Variants in SOCS2 observed in about 807,000 individuals in gnomAD.
SOCS2 encodes suppressor of cytokine signaling 2, also known as CIS-2.
In SOCS2, 10 loss-of-function variants were observed where a neutral mutation model predicts 18.6. The ratio of observed to expected loss-of-function variants is 0.54; its 90% CI spans 0.33 to 0.91. The LOEUF (loss-of-function observed/expected upper bound fraction) is 0.91, where lower values mean the gene tolerates loss of function less well. Ranked by LOEUF, SOCS2 falls within the 40% of genes least tolerant of loss-of-function variation. The probability of loss-of-function intolerance (pLI) is 0.02; values close to 1 mark genes in which losing one functional copy is unlikely to be tolerated. For synonymous variants in SOCS2, 104 were observed against 104.0 expected, an observed-to-expected ratio of 1.00 and a Z score of 0.00; for missense variants, 231 against 247.2, an observed-to-expected ratio of 0.93 and a Z score of 0.44.
chr12:93,618,097 T>C, the SOCS2 span, among the ~76,000 whole-genome samples: 1 of 152,096 alleles, frequency 6.6e-6, no homozygotes, highest in Non-Finnish European at 1.5e-5. Context: ...TTGTTCAAAG[T>C]GTGTGGCACC....
At position 93,572,916 on chromosome 12, in the gene SOCS2, G is replaced by T; in HGVS notation, c.19G>T (p.Glu7Ter). ...TTCTCTCATGACCCTGCGGTGCCTTGAGCCCTCCGGGAATGGCGGGGAAGG... is the reference window on the plus strand; with the variant it reads ...TTCTCTCATGACCCTGCGGTGCCTTTAGCCCTCCGGGAATGGCGGGGAAGG... MTLRCLEPSGNGGEGTR... is the reference protein window; with the variant it reads MTLRCL The change falls in exon 1 of 2, where the codon GAG (glutamate) becomes TAG (stop). Residue 7 changes from glutamate to a stop codon, truncating the protein, a stop_gained. Transcript: ENST00000551556. LOFTEE classifies it high-confidence loss of function. The surrounding 1 kb of genome is among the most constrained non-coding windows in gnomAD (Gnocchi z 5.0). 6.3e-7 allele frequency: 1 copy of T among 1,580,904 alleles called. No homozygotes were observed. Among genetic ancestry groups the T allele is most frequent in the South Asian group, 1.2e-5 (1 of 86,408 alleles).
the SOCS2 span, among the ~76,000 whole-genome samples, chr12:93,614,434 C>CCTTCCTTT: frequency 9.0e-5 from 3 of 33,330 alleles, no homozygotes; most frequent in African/African-American, 4.4e-4. Flanking sequence ...TCTTTCCCTT[C>CCTTCCTTT]CTTCCTTCCT....
At chr12:93,600,526 GATTTTA>G in the SOCS2 span, among the ~76,000 whole-genome samples, 1 of 151,864 alleles carries the variant, frequency 6.6e-6, no homozygotes, top group Non-Finnish European at 1.5e-5. Context: ...AAAATGTATA[GATTTTA>G]ATTGTAATTA....
chr12:93,601,042 C>T, the SOCS2 span, among the ~76,000 whole-genome samples: 5 of 151,168 alleles, frequency 3.3e-5, no homozygotes, highest in East Asian at 5.8e-4. Flanking sequence ...TCTCCTGCCT[C>T]GACCCCTGAA....
At chr12:93,587,092 CG>C (rs1225139103), downstream of SOCS2, among the ~76,000 whole-genome samples, 3 of 151,982 alleles carry the variant, frequency 2.0e-5, no homozygotes, top group Non-Finnish European at 4.4e-5. Flanking sequence ...CACTTGAACC[CG>C]GGAGGCAGAG....
Position 93,575,022 on chromosome 12 carries a change from C to T in SOCS2, c.440C>T (p.Thr147Ile), listed in dbSNP as rs996947743. 3.1e-6 allele frequency: 5 copies of T among 1,613,856 alleles called. No homozygotes were observed. Among genetic ancestry groups the T allele is most frequent in the Non-Finnish European group, 4.2e-6 (5 of 1,179,922 alleles). ...GGTCCAGAAGCCCCCCGGAACGGCA[C>T]TGTTCACCTTTATCTGACCAAACCG... Reference protein sequence around the residue: ...RTGPEAPRNGTVHLYLTKPLY... With the variant: ...RTGPEAPRNGIVHLYLTKPLY... Residue 147 changes from threonine to isoleucine, a missense_variant, in exon 2 of 2, where the codon ACT becomes ATT. By Grantham distance (89) the Thr-to-Ile change is moderately conservative. This residue lies in a region of SOCS2 where 122 missense variants were observed against 127.2 expected (regional missense o/e 0.96). Transcript: ENST00000551556.
the SOCS2 span, among the ~76,000 whole-genome samples, chr12:93,608,718 T>G: frequency 2.0e-5 from 3 of 152,166 alleles, no homozygotes; most frequent in Non-Finnish European, 2.9e-5. Context: ...TTGCTATGCC[T>G]TCTACCTTCT....
rs557928135 is a variant in SOCS2, at chr12:93,572,792, G to T, written c.-106G>T. The T allele has an allele frequency of 1.1e-5, 16 of 1,431,408 alleles. No individual in the cohort carries two copies. The highest frequency in any genetic ancestry group is 1.7e-4 in the Middle Eastern group (1 of 5,752). The allele number at this position is 1,431,408 out of a possible 1,614,324, so 88.7% of individuals were successfully genotyped here. The stretch of plus-strand genomic sequence containing the variant: ...TCTCTGCCACCATTTCGGACACCCC[G>T]CAGGGACTCGTTTTGGGATTCGCAC... On this transcript the variant is annotated 5_prime_UTR_variant, in exon 1 of 2. Coordinates refer to ENST00000551556, the MANE Select transcript of SOCS2 (RefSeq NM_001270471.2). The surrounding 1 kb of genome is among the most constrained non-coding windows in gnomAD (Gnocchi z 5.0).
chr12:93,623,281 G>C, the SOCS2 span, among the ~76,000 whole-genome samples: 1 of 152,092 alleles, frequency 6.6e-6, no homozygotes, highest in Non-Finnish European at 1.5e-5. Context: ...GACGTGCCTT[G>C]CTTCCCCTTC....
chr12:93,617,625 C>T, the SOCS2 span, among the ~76,000 whole-genome samples: 954 of 152,028 alleles, frequency 6.3e-3, 21 homozygotes, highest in African/African-American at 0.022. Context: ...TCTAAAGTGG[C>T]CATACAGATA....
the SOCS2 span, among the ~76,000 whole-genome samples, chr12:93,610,984 T>G: frequency 5.9e-5 from 9 of 152,182 alleles, no homozygotes; most frequent in Non-Finnish European, 2.9e-5. Context: ...AGTTGAGAAT[T>G]GCTCAATTTT....
At chr12:93,621,373 T>C in the SOCS2 span, among the ~76,000 whole-genome samples, 1 of 152,214 alleles carries the variant, frequency 6.6e-6, no homozygotes, top group African/African-American at 2.4e-5. Context: ...ACTGCAAGCA[T>C]AATGCATTGA....
At chr12:93,614,542 T>TCTTC in the SOCS2 span, among the ~76,000 whole-genome samples, 1 of 30,440 alleles carries the variant, frequency 3.3e-5, no homozygotes, top group Non-Finnish European at 5.2e-5. Flanking sequence ...CTTCCTTCCT[T>TCTTC]CTTTCTTTCT....
the SOCS2 span, among the ~76,000 whole-genome samples, chr12:93,594,657 T>A: frequency 6.6e-6 from 1 of 152,202 alleles, no homozygotes; most frequent in Non-Finnish European, 1.5e-5. Context: ...GTATAGAATT[T>A]ATTTATTGTA....
the SOCS2 span, among the ~76,000 whole-genome samples, chr12:93,602,777 C>T: frequency 3.3e-5 from 5 of 152,124 alleles, no homozygotes; most frequent in African/African-American, 1.2e-4. Context: ...GCCTCAGAGC[C>T]CTGCATTCTG....
the SOCS2 span, among the ~76,000 whole-genome samples, chr12:93,589,106 C>T: frequency 2.6e-5 from 4 of 152,226 alleles, no homozygotes; most frequent in Non-Finnish European, 5.9e-5. Context: ...AAACATCCAT[C>T]CTTTGCTTCC....
chr12:93,584,400 C>T (rs1257436067), downstream of SOCS2, among the ~76,000 whole-genome samples: 9 of 152,222 alleles, frequency 5.9e-5, no homozygotes, highest in South Asian at 1.5e-3. Flanking sequence ...AGACCTTAGT[C>T]CAAAACAATG....
the SOCS2 span, among the ~76,000 whole-genome samples, chr12:93,604,671 T>C: frequency 3.3e-5 from 5 of 151,722 alleles, no homozygotes; most frequent in East Asian, 9.6e-4. Context: ...TTTATTTATG[T>C]TTTTTTGAGA....
At chr12:93,580,636 A>G (rs1050782411), downstream of SOCS2, among the ~76,000 whole-genome samples, 25 of 151,730 alleles carry the variant, frequency 1.6e-4, no homozygotes, top group African/African-American at 3.6e-4. Context: ...AAAAAAAAAA[A>G]AAAAGAAAAG....
Sources: allele counts gnomAD v4.1 joint callset (sites outside exome capture counted in the v4.1 genomes callset), GRCh38; gene constraint gnomAD v4.1.1; regional missense constraint gnomAD v4.1.1; non-coding constraint Gnocchi (gnomAD v3.1); transcripts MANE v1.5; gene names NCBI Gene and HGNC (gene_info 2026-07-23, HGNC 2026-07-21).